ARMH3: variants seen among roughly 807,000 people sequenced by gnomAD.
The protein encoded by ARMH3 is armadillo like helical domain containing 3, also known as armadillo-like helical domain-containing protein 3.
Under a neutral mutation model 99.1 loss-of-function variants are expected in ARMH3, and 60 were observed. The observed-to-expected ratio is 0.61, with a 90% CI of 0.49 to 0.75. ARMH3 has a LOEUF of 0.75. ARMH3 is among the 30% of genes least tolerant of loss of function. ARMH3 has a pLI of 0.00. For missense variants in ARMH3, 679 were observed against 843.1 expected (o/e 0.81, Z 2.41); for synonymous variants, 285 against 292.8 (o/e 0.97, Z 0.27).
At chr10:102,010,993 A>G (rs2136109057) in intron 11 of ARMH3, among the ~76,000 whole-genome samples, 1 of 152,266 alleles carries the variant, frequency 6.6e-6, no homozygotes, top group South Asian at 2.1e-4. Context: ...AACTAACCAA[A>G]AAATTGTCTT....
At chr10:102,045,940 C>T (rs2067539896) in intron 1 of ARMH3, among the ~76,000 whole-genome samples, 1 of 151,776 alleles carries the variant, frequency 6.6e-6, no homozygotes, top group Non-Finnish European at 1.5e-5. Flanking sequence ...ACTAAAAATA[C>T]AAAAATTAGA....
chr10:101,928,427 C>G (rs981297501), intron 23 of ARMH3, among the ~76,000 whole-genome samples: 3 of 152,208 alleles, frequency 2.0e-5, no homozygotes, highest in African/African-American at 7.2e-5. Flanking sequence ...GAGCAATATT[C>G]TAGAAATAGT....
At chr10:102,038,688 G>C (rs1185113991) in intron 2 of ARMH3, among the ~76,000 whole-genome samples, 3 of 151,802 alleles carry the variant, frequency 2.0e-5, no homozygotes, top group Admixed American at 2.0e-4. Flanking sequence ...TCTATATTTA[G>C]TGATACATTT....
chr10:102,022,977 T>C (rs553533480), intron 8 of ARMH3, among the ~76,000 whole-genome samples: 6 of 151,782 alleles, frequency 4.0e-5, no homozygotes, highest in African/African-American at 7.2e-5. Context: ...TCACCTGACA[T>C]TGGGAGTTTG....
chr10:101,857,632 A>G (rs947121386), intron 24 of ARMH3, among the ~76,000 whole-genome samples: 2 of 152,222 alleles, frequency 1.3e-5, no homozygotes, highest in African/African-American at 4.8e-5. Flanking sequence ...TCAGCCAGAA[A>G]GGCTGAAGTC....
chr10:101,910,244 T>C (rs1293342241), intron 23 of ARMH3, among the ~76,000 whole-genome samples: 1 of 152,186 alleles, frequency 6.6e-6, no homozygotes, highest in African/African-American at 2.4e-5. Flanking sequence ...TCCCGGAGAT[T>C]TACAACCAAG....
chr10:101,900,648 T>C (rs1003283092), intron 23 of ARMH3, among the ~76,000 whole-genome samples: 19 of 152,108 alleles, frequency 1.2e-4, no homozygotes, highest in African/African-American at 4.3e-4. Flanking sequence ...AGCAAGAAAA[T>C]GAGCAATTGA....
intron 8 of ARMH3, among the ~76,000 whole-genome samples, chr10:102,020,667 C>CA (rs2066862287): frequency 7.1e-6 from 1 of 141,770 alleles, no homozygotes; most frequent in Middle Eastern, 3.6e-3. Flanking sequence ...GCCTGGGCGA[C>CA]AGAGACTCCA....
At chr10:101,974,436 T>C (rs1845902988) in intron 20 of ARMH3, among the ~76,000 whole-genome samples, 1 of 152,192 alleles carries the variant, frequency 6.6e-6, no homozygotes. Flanking sequence ...AAGATTTTAT[T>C]GTACCATCAG....
At chr10:101,984,188 C>T (rs1401905636) in intron 19 of ARMH3, among the ~76,000 whole-genome samples, 3 of 152,176 alleles carry the variant, frequency 2.0e-5, no homozygotes, top group Non-Finnish European at 4.4e-5. Flanking sequence ...TTTTTACACT[C>T]ATAAGCCTGT....
chr10:102,052,093 A>G (rs1214480429), intron 1 of ARMH3, among the ~76,000 whole-genome samples: 1 of 152,114 alleles, frequency 6.6e-6, no homozygotes, highest in Non-Finnish European at 1.5e-5. Context: ...CCAGCCCTGA[A>G]CTTATTCAAA....
chr10:101,954,466 T>C (rs1356600192), intron 22 of ARMH3, among the ~76,000 whole-genome samples: 1 of 152,200 alleles, frequency 6.6e-6, no homozygotes, highest in African/African-American at 2.4e-5. Context: ...CTATAAGATG[T>C]TCTGCAAAAG....
At chr10:101,978,073 T>C (rs61873611) in intron 19 of ARMH3, among the ~76,000 whole-genome samples, 2 of 152,238 alleles carry the variant, frequency 1.3e-5, no homozygotes, top group Non-Finnish European at 2.9e-5. Flanking sequence ...AGTCAACATT[T>C]TTCTATAATG....
intron 1 of ARMH3, among the ~76,000 whole-genome samples, chr10:102,048,241 GC>G (rs2067604837): frequency 3.3e-5 from 5 of 152,136 alleles, no homozygotes. Context: ...TGGGACTGTA[GC>G]CCATTTCCCC....
chr10:101,889,464 T>C lies in ARMH3; in HGVS notation c.1808A>G (p.Lys603Arg), dbSNP rs1373348854. Residue 603 changes from lysine to arginine, a missense_variant, in exon 24 of 26, where the codon AAA becomes AGA. Lys to Arg is a conservative substitution (Grantham distance 26). This residue lies in a region of ARMH3 where 389 missense variants were observed against 456.5 expected (regional missense o/e 0.85). Transcript: ENST00000370033. ...IRAIINHFNP[K>R]IESYAAVNHI... ...ATTCACAGCAGCGTAGGACTCAATT[T>C]TGGGGTTAAAGTGGTTGATGATGGC... 1 of 1,613,932 alleles carries C rather than the reference T, an allele frequency of 6.2e-7. No homozygotes were observed. Among genetic ancestry groups the C allele is most frequent in the East Asian group, 2.2e-5 (1 of 44,882 alleles).
chr10:101,896,644 C>A (rs2067843581), intron 23 of ARMH3, among the ~76,000 whole-genome samples: 1 of 152,232 alleles, frequency 6.6e-6, no homozygotes, highest in South Asian at 2.1e-4. Context: ...ACCAGTTCCA[C>A]ACAGAATTAA....
At chr10:101,978,031 T>A (rs1846081073) in intron 19 of ARMH3, among the ~76,000 whole-genome samples, 1 of 152,178 alleles carries the variant, frequency 6.6e-6, no homozygotes, top group African/African-American at 2.4e-5. Flanking sequence ...GTCAACAAAT[T>A]CCTCCATCTC....
At chr10:102,023,423 G>A (rs1359390867) in intron 8 of ARMH3, 54 bp downstream of exon 8, 12 of 1,483,584 alleles carry the variant, frequency 8.1e-6, no homozygotes, top group South Asian at 7.1e-5. Context: ...AGGAGGGGCC[G>A]CATTTAAGAA....
intron 24 of ARMH3, among the ~76,000 whole-genome samples, chr10:101,875,713 T>A (rs899553293): frequency 1.3e-5 from 2 of 152,192 alleles, no homozygotes; most frequent in Non-Finnish European, 1.5e-5. Context: ...AACCTCACAG[T>A]GGGTGATTAG....
Sources: gnomAD v4.1 joint callset for allele counts (sites outside exome capture counted in the v4.1 genomes callset) on GRCh38, gnomAD v4.1.1 for gene constraint, gnomAD v4.1.1 regional missense constraint, MANE v1.5 for transcripts, NCBI Gene and HGNC (gene_info 2026-07-23, HGNC 2026-07-21) for gene names.